MRPL58: variants seen among roughly 807,000 people sequenced by gnomAD.
MRPL58 encodes the protein large ribosomal subunit protein mL62.
In MRPL58, 17 loss-of-function variants were observed where a neutral mutation model predicts 26.0. That is an observed-to-expected ratio of 0.65 (90% confidence interval 0.45 to 0.98). The LOEUF (loss-of-function observed/expected upper bound fraction) is 0.98. MRPL58 is among the 50% of genes least tolerant of loss of function. MRPL58 has a pLI of 0.00. For synonymous variants in MRPL58, 100 were observed against 99.7 expected, an observed-to-expected ratio of 1.00 and a Z score of -0.02; for missense variants, 250 against 269.0, an observed-to-expected ratio of 0.93 and a Z score of 0.49.
chr17:75,013,686 TTGAATAACGACCTGGAAGAAG>T (rs2039950450), intron 1 of MRPL58, among the ~76,000 whole-genome samples: 1 of 152,174 alleles, frequency 6.6e-6, no homozygotes, highest in Non-Finnish European at 1.5e-5. Context: ...GAGGTGGCAT[TTGAATAACGACCTGGAAGAAG>T]CCAGACAGCA....
intron 1 of MRPL58, among the ~76,000 whole-genome samples, chr17:75,013,997 C>T (rs75401153): frequency 0.016 from 2,476 of 152,088 alleles, 32 homozygotes; most frequent in Non-Finnish European, 0.027. Flanking sequence ...TAGAGGATGC[C>T]AAGATCAGGG....
At chr17:75,018,876 G>T (rs1567980778) in intron 2 of MRPL58, among the ~76,000 whole-genome samples, 1 of 150,316 alleles carries the variant, frequency 6.7e-6, no homozygotes. Context: ...TGCTCAAGAT[G>T]ACTCAAACAG....
At position 75,020,372 on chromosome 17, in the gene MRPL58, G is replaced by A. The variant is rs774392924; in HGVS notation, c.343G>A (p.Val115Met). Residue 115 changes from valine (V) to methionine (M), a missense_variant, in exon 4 of 6, where the codon GTG (valine) becomes ATG (methionine). Coordinates refer to ENST00000301585, the MANE Select transcript of MRPL58 (RefSeq NM_001545.3). Reference protein sequence around the residue: ...LATAEWIAEPVRQKIAITHKN... With the variant: ...LATAEWIAEPMRQKIAITHKN... The stretch of plus-strand genomic sequence containing the variant: ...AACTGCCGAGTGGATCGCGGAGCCC[G>A]TGCGGCAGAAGATAGCCATCACGGT... 2.0e-5 allele frequency: 33 copies of A among 1,613,968 alleles called. No homozygotes were observed. Among genetic ancestry groups the A allele is most frequent in the Middle Eastern group, 1.6e-4 (1 of 6,080 alleles).
rs2040011512 is a variant in MRPL58, at chr17:75,020,765, T to C, written c.536+108T>C. 19 of 1,305,486 alleles carry C rather than the reference T, an allele frequency of 1.5e-5. No individual in the cohort carries two copies. The East Asian group carries it at 4.4e-4, about 30-fold the overall frequency. The allele number at this position is 1,305,486 out of a possible 1,614,324, so 80.9% of individuals were successfully genotyped here. A position where few individuals can be genotyped will look rare whatever the true frequency, so the allele number is the denominator to read the frequency against. On this transcript the variant is annotated intron_variant, in intron 5 of 5. Coordinates refer to ENST00000301585, the MANE Select transcript of MRPL58 (RefSeq NM_001545.3). The stretch of plus-strand genomic sequence containing the variant: ...CCAAGGCCGGCCTTGGGAGAAACTC[T>C]AGGAAGAGGAGAGGATGCTGACCTG...
chr17:75,020,936 T>C lies in MRPL58; in HGVS notation c.552T>C (p.Asn184=), dbSNP rs760972813. 4.0e-5 allele frequency: 64 copies of C among 1,613,546 alleles called. No individual in the cohort carries two copies. The highest frequency in any genetic ancestry group is 5.2e-5 in the Non-Finnish European group (61 of 1,179,666). ...KLHRIRIENM[N]RERLRQKRIH... ...TTGTTTTCAGGATAGAAAACATGAA[T>C]CGGGAAAGGCTGAGACAAAAGAGAA... is the stretch of plus-strand genomic sequence containing the variant. Residue 184 remains asparagine (N), a synonymous_variant, in exon 6 of 6, where the codon AAT becomes AAC. Coordinates refer to ENST00000301585, the MANE Select transcript of MRPL58 (RefSeq NM_001545.3).
chr17:75,014,410 C>T (rs1410720074), intron 1 of MRPL58, among the ~76,000 whole-genome samples: 5 of 96,820 alleles, frequency 5.2e-5, no homozygotes, highest in Admixed American at 1.1e-4. Flanking sequence ...CCAGGTTGGT[C>T]TTGATCACGG....
In MRPL58 at chr17:75,020,327, G is replaced by A. The variant is rs746252231; in HGVS notation, c.298G>A (p.Glu100Lys). Reference sequence around the variant, plus strand: ...TTCCTCCACAGTGAATTCCAAGGCAGAAGTCAGGTTCCATTTGGCAACTGC... The same window carrying A: ...TTCCTCCACAGTGAATTCCAAGGCAAAAGTCAGGTTCCATTTGGCAACTGC... Reference protein sequence around the residue: ...QNVNKVNSKAEVRFHLATAEW... With the variant: ...QNVNKVNSKAKVRFHLATAEW... The change falls in exon 4 of 6, where the codon GAA becomes AAA. Residue 100 changes from glutamate (E) to lysine (K), a missense_variant. By Grantham distance (56) the Glu-to-Lys change is moderately conservative (BLOSUM62 1). Transcript: ENST00000301585. 2.5e-6 allele frequency: 4 copies of A among 1,614,026 alleles called. No homozygotes were observed. The Admixed American group carries it at 6.7e-5, about 27-fold the overall frequency.
chr17:75,020,937 C>T lies in MRPL58; in HGVS notation c.553C>T (p.Arg185Trp), dbSNP rs764514778. 3.7e-6 allele frequency: 6 copies of T among 1,613,450 alleles called. No individual in the cohort carries two copies. The highest frequency in any genetic ancestry group is 3.3e-5 in the Admixed American group (2 of 59,970). ...LHRIRIENMN[R>W]ERLRQKRIHS... ...TGTTTTCAGGATAGAAAACATGAAT[C>T]GGGAAAGGCTGAGACAAAAGAGAAT... is the stretch of plus-strand genomic sequence containing the variant. The change falls in exon 6 of 6, where the codon CGG (arginine) becomes TGG (tryptophan). Residue 185 changes from arginine (R) to tryptophan (W), a missense_variant. Transcript: ENST00000301585.
chr17:75,014,170 G>C (rs2039955047), intron 1 of MRPL58, among the ~76,000 whole-genome samples: 1 of 144,142 alleles, frequency 6.9e-6, no homozygotes, highest in African/African-American at 2.6e-5. Context: ...AGGAATTGAA[G>C]TCTGGGGCCT....
At chr17:75,018,900 A>G (rs1460791023) in intron 2 of MRPL58, among the ~76,000 whole-genome samples, 1 of 152,116 alleles carries the variant, frequency 6.6e-6, no homozygotes, top group East Asian at 1.9e-4. Flanking sequence ...CCAGATGACC[A>G]CAACCCAAGG....
intron 1 of MRPL58, among the ~76,000 whole-genome samples, chr17:75,015,478 C>A (rs1010042161): frequency 6.6e-6 from 1 of 152,092 alleles, no homozygotes; most frequent in Non-Finnish European, 1.5e-5. Flanking sequence ...CCTTAAGACT[C>A]CATCTCAAAA....
chr17:75,020,254 G>A (rs1598670506), intron 3 of MRPL58, 59 bp from the exon 4 acceptor site: 1 of 1,321,212 alleles, frequency 7.6e-7, no homozygotes, highest in Non-Finnish European at 1.1e-6. Context: ...GGTCACCCAG[G>A]GGTTGATCCT....
rs369699216 is a variant in MRPL58 at position 75,021,044 on chromosome 17, C to T, written c.*39C>T. 182 of 1,388,094 alleles carry T rather than the reference C, an allele frequency of 1.3e-4. No individual in the cohort carries two copies. Among genetic ancestry groups the T allele is most frequent in the Non-Finnish European group, 1.4e-4 (135 of 974,076 alleles). The allele number at this position is 1,388,094 out of a possible 1,614,324, so 86.0% of individuals were successfully genotyped here. A position where few individuals can be genotyped will look rare whatever the true frequency, so the allele number is the denominator to read the frequency against. ...AGCTGGGAGGGCTCTTCTGGGCGTC[C>T]GGGCAGCTGCAGCTGAGAGGACTTT... On this transcript the variant is annotated 3_prime_UTR_variant, in exon 6 of 6. Coordinates refer to ENST00000301585, the MANE Select transcript of MRPL58 (RefSeq NM_001545.3).
At chr17:75,014,277 C>G (rs1003576697) in intron 1 of MRPL58, among the ~76,000 whole-genome samples, 1 of 149,086 alleles carries the variant, frequency 6.7e-6, no homozygotes, top group African/African-American at 2.5e-5. Context: ...GCTCCGCCTC[C>G]CGGGTTCACG....
At chr17:75,016,259 A>C (rs1407549947) in intron 1 of MRPL58, among the ~76,000 whole-genome samples, 15 of 151,712 alleles carry the variant, frequency 9.9e-5, no homozygotes, top group East Asian at 2.0e-4. Flanking sequence ...CAAAAAAAAA[A>C]AACAACAATA....
intron 1 of MRPL58, among the ~76,000 whole-genome samples, chr17:75,013,191 A>G (rs146441988): frequency 2.0e-5 from 3 of 152,342 alleles, no homozygotes; most frequent in East Asian, 1.9e-4. Context: ...AAGGCGGACA[A>G]TAAAGGCAAG....
chr17:75,014,190 T>G (rs1284002197), intron 1 of MRPL58, among the ~76,000 whole-genome samples: 3 of 138,298 alleles, frequency 2.2e-5, no homozygotes, highest in African/African-American at 8.2e-5. Context: ...TTTTTTTTTT[T>G]TTTTTTTTTT....
At chr17:75,013,732 G>C (rs2039950864) in intron 1 of MRPL58, among the ~76,000 whole-genome samples, 1 of 152,174 alleles carries the variant, frequency 6.6e-6, no homozygotes. Context: ...ATGAGAATAG[G>C]GGGCGGATGA....
chr17:75,018,618 A>G (rs1054757620), intron 2 of MRPL58: 3 of 152,114 alleles, frequency 2.0e-5, no homozygotes, highest in African/African-American at 7.2e-5. Flanking sequence ...AACACCCTGG[A>G]TACAGTGACT....
Sources: gnomAD v4.1 joint callset for allele counts (sites outside exome capture counted in the v4.1 genomes callset) on GRCh38, gnomAD v4.1.1 for gene constraint, MANE v1.5 for transcripts, NCBI Gene and HGNC (gene_info 2026-07-23, HGNC 2026-07-21) for gene names.